The following EYS variants were observed in gnomAD, a reference collection of about 807,000 sequenced individuals.
EYS encodes the protein EGF-like photoreceptor maintenance factor, also known as protein eyes shut homolog.
Under a neutral mutation model 282.1 loss-of-function variants are expected in EYS, and 250 were observed. The observed-to-expected ratio is 0.89, with a 90% confidence interval of 0.80 to 0.98. The LOEUF (loss-of-function observed/expected upper bound fraction) is 0.98, where lower values mean the gene tolerates loss of function less well. Among genes scored for constraint, EYS ranks in the 50% least tolerant of loss-of-function variants. The probability of loss-of-function intolerance (pLI) is 0.00; values close to 1 mark genes in which losing one functional copy is unlikely to be tolerated. For missense variants in EYS, 4,016 were observed against 3,709.0 expected, an observed-to-expected ratio of 1.08 and a Z score of -2.15; for synonymous variants, 1,355 against 1,282.9, an observed-to-expected ratio of 1.06 and a Z score of -1.20.
intron 36 of EYS, among the ~76,000 whole-genome samples, chr6:63,830,220 T>C (rs1243643544): frequency 6.6e-6 from 1 of 152,184 alleles, no homozygotes; most frequent in South Asian, 2.1e-4. Flanking sequence ...GAGATGACTT[T>C]GACAAGTTGA....
intron 5 of EYS, among the ~76,000 whole-genome samples, chr6:65,472,694 A>G (rs1458715528): frequency 6.6e-6 from 1 of 152,022 alleles, no homozygotes; most frequent in African/African-American, 2.4e-5. Context: ...AGGAAGTCAA[A>G]CACTAAACTA....
At chr6:64,392,700 A>G (rs1161404321) in intron 28 of EYS, among the ~76,000 whole-genome samples, 6 of 148,580 alleles carry the variant, frequency 4.0e-5, no homozygotes, top group Non-Finnish European at 6.0e-5. Flanking sequence ...TGACACCCTA[A>G]CATCACAATT....
At chr6:64,740,592 G>T (rs958757085) in intron 22 of EYS, among the ~76,000 whole-genome samples, 4 of 152,090 alleles carry the variant, frequency 2.6e-5, no homozygotes. Context: ...TAAGGTGATG[G>T]CTCTACTCTG....
chr6:64,694,171 G>T (rs540801107), intron 22 of EYS, among the ~76,000 whole-genome samples: 49 of 152,120 alleles, frequency 3.2e-4, no homozygotes, highest in African/African-American at 1.2e-3. Context: ...TCCCCAAGAT[G>T]GTGGAATAGA....
At chr6:64,118,695 CA>C (rs1369097262) in intron 31 of EYS, among the ~76,000 whole-genome samples, 2 of 151,946 alleles carry the variant, frequency 1.3e-5, no homozygotes, top group Admixed American at 1.3e-4. Context: ...AGGATTATAT[CA>C]AACTAAAAAG....
intron 16 of EYS, among the ~76,000 whole-genome samples, chr6:64,904,287 G>T (rs1354542784): frequency 1.3e-5 from 2 of 152,140 alleles, no homozygotes; most frequent in Admixed American, 1.3e-4. Flanking sequence ...GCCTGCAAAT[G>T]AATCTCTGAA....
chr6:64,616,510 A>G (rs906087466), intron 24 of EYS, among the ~76,000 whole-genome samples: 2 of 151,688 alleles, frequency 1.3e-5, no homozygotes, highest in African/African-American at 2.4e-5. Context: ...AGGTCCTTCT[A>G]CAATTGATTT....
chr6:63,724,733 T>C (rs1170631418), intron 42 of EYS, among the ~76,000 whole-genome samples: 5 of 152,146 alleles, frequency 3.3e-5, no homozygotes, highest in African/African-American at 4.8e-5. Flanking sequence ...TACTTGAGAG[T>C]ACTCAAATTA....
chr6:64,390,567 A>T (rs6454823), intron 28 of EYS, among the ~76,000 whole-genome samples: 111,062 of 146,910 alleles, frequency 0.76, 42,599 homozygotes, highest in African/African-American at 0.89. Context: ...GAGGGTCCTG[A>T]CTGTTAGAAG....
intron 5 of EYS, among the ~76,000 whole-genome samples, chr6:65,409,811 G>A (rs1277257286): frequency 6.6e-6 from 1 of 151,966 alleles, no homozygotes; most frequent in Non-Finnish European, 1.5e-5. Context: ...AGAAAACACT[G>A]CTTAGATTAT....
Position 64,813,571 on chromosome 6 carries a change from T to G in EYS, c.3250A>C (p.Thr1084Pro), listed in dbSNP as rs778646190. 125 of 1,544,648 alleles carry G rather than the reference T, an allele frequency of 8.1e-5. No individual in the cohort carries two copies. The African/African-American group carries it at 1.3e-3, about 16-fold the overall frequency. ...TQCKIKINDC[T>P]SIPCMNEGFC... is the part of the protein sequence containing the mutation. ...CCTTCATTCATACAAGGGATTGATG[T>G]GCAGTCCTAGATTAAGAAATAGAGA... is the stretch of plus-strand genomic sequence containing the variant. The change falls in exon 22 of 43, where the codon ACA (threonine) becomes CCA (proline). Residue 1084 changes from threonine to proline, a missense_variant. Thr to Pro is a conservative substitution (Grantham distance 38). Transcript: ENST00000503581.
chr6:63,976,971 G>A (rs1766865297), intron 35 of EYS, among the ~76,000 whole-genome samples: 1 of 151,632 alleles, frequency 6.6e-6, no homozygotes, highest in South Asian at 2.1e-4. Flanking sequence ...GGAGATTCAG[G>A]TCTCTTTCTC....
At chr6:65,011,703 G>T (rs1182020690) in intron 13 of EYS, among the ~76,000 whole-genome samples, 2 of 152,190 alleles carry the variant, frequency 1.3e-5, no homozygotes, top group Non-Finnish European at 2.9e-5. Context: ...TAGCTGGGAA[G>T]GTGACCGCTT....
At chr6:65,075,201 G>A (rs112605991) in intron 12 of EYS, among the ~76,000 whole-genome samples, 2,248 of 151,950 alleles carry the variant, frequency 0.015, 49 homozygotes, top group African/African-American at 0.05. Context: ...CCCACCAAGA[G>A]TTTGGGTACA....
chr6:64,183,001 T>A (rs192798128), intron 31 of EYS, among the ~76,000 whole-genome samples: 2 of 152,250 alleles, frequency 1.3e-5, no homozygotes, highest in East Asian at 3.9e-4. Context: ...AATCCCAACA[T>A]GTCACGGGAA....
chr6:64,619,708 A>C (rs993368627), intron 23 of EYS, among the ~76,000 whole-genome samples: 2 of 151,642 alleles, frequency 1.3e-5, no homozygotes, highest in Non-Finnish European at 2.9e-5. Context: ...AGGGTCTTGC[A>C]CTGGTGCCCA....
intron 35 of EYS, among the ~76,000 whole-genome samples, chr6:63,893,818 C>T (rs1328400846): frequency 6.6e-6 from 1 of 152,144 alleles, no homozygotes; most frequent in Non-Finnish European, 1.5e-5. Context: ...TGTTTTTATG[C>T]CCTACTCAGC....
chr6:64,766,462 T>C (rs1773339582), intron 22 of EYS, among the ~76,000 whole-genome samples: 1 of 147,870 alleles, frequency 6.8e-6, no homozygotes, highest in Non-Finnish European at 1.5e-5. Context: ...TGAAACTCTG[T>C]CTGTACTAAT....
At chr6:63,994,660 C>T (rs1008493341) in intron 34 of EYS, among the ~76,000 whole-genome samples, 5 of 151,846 alleles carry the variant, frequency 3.3e-5, no homozygotes, top group African/African-American at 1.2e-4. Flanking sequence ...AAACTATTTT[C>T]AAGAAGGTAA....
Sources: gnomAD v4.1 joint callset for allele counts (sites outside exome capture counted in the v4.1 genomes callset) on GRCh38, gnomAD v4.1.1 for gene constraint, MANE v1.5 for transcripts, NCBI Gene and HGNC (gene_info 2026-07-23, HGNC 2026-07-21) for gene names.